Variants in MATN2 observed in about 807,000 individuals in gnomAD.
The protein encoded by MATN2 is matrilin-2.
A neutral mutation model predicts 103.2 loss-of-function variants in MATN2; 69 were observed. The ratio of observed to expected loss-of-function variants is 0.67; its 90% confidence interval spans 0.55 to 0.82. The LOEUF is 0.82. Ranked by LOEUF, MATN2 falls within the 40% of genes least tolerant of loss-of-function variation. The pLI is 0.00. For missense variants in MATN2, 1,023 were observed against 1,211.5 expected, an observed-to-expected ratio of 0.84 and a Z score of 2.31; for synonymous variants, 429 against 450.2, an observed-to-expected ratio of 0.95 and a Z score of 0.60.
chr8:98,009,336 T>C (rs1813080533), intron 10 of MATN2, among the ~76,000 whole-genome samples: 1 of 152,164 alleles, frequency 6.6e-6, no homozygotes, highest in East Asian at 1.9e-4. Flanking sequence ...GGTTGGGATG[T>C]GTGTTCCCCA....
At chr8:97,906,366 A>C (rs555650874) in intron 2 of MATN2, among the ~76,000 whole-genome samples, 3 of 152,214 alleles carry the variant, frequency 2.0e-5, no homozygotes, top group Non-Finnish European at 2.9e-5. Context: ...TCAAGAGCTC[A>C]GAGATATTGT....
intron 5 of MATN2, among the ~76,000 whole-genome samples, chr8:97,974,893 A>AT (rs1356292760): frequency 3.3e-5 from 5 of 152,238 alleles, no homozygotes; most frequent in African/African-American, 1.2e-4. Flanking sequence ...GCTCAAACAC[A>AT]TATTCCTGGG....
At chr8:97,927,196 T>C (rs1840370) in intron 2 of MATN2, among the ~76,000 whole-genome samples, 99,744 of 152,000 alleles carry the variant, frequency 0.66, 33,405 homozygotes, top group East Asian at 0.92. Context: ...CAGGCTGCAG[T>C]GCAATGGCAT....
At chr8:97,968,015 C>G (rs960313070) in intron 5 of MATN2, among the ~76,000 whole-genome samples, 2 of 152,252 alleles carry the variant, frequency 1.3e-5, no homozygotes, top group Non-Finnish European at 2.9e-5. Context: ...TGCCTGCATT[C>G]TGTGTGCCTG....
intron 7 of MATN2, among the ~76,000 whole-genome samples, chr8:97,999,082 G>T (rs1279730298): frequency 1.3e-5 from 2 of 152,138 alleles, no homozygotes; most frequent in African/African-American, 4.8e-5. Context: ...TCATATAAGT[G>T]GAATCATAGA....
At chr8:97,923,556 TCTGTCTCTC>T (rs1234084115) in intron 2 of MATN2, among the ~76,000 whole-genome samples, 1 of 111,334 alleles carries the variant, frequency 9.0e-6, no homozygotes, top group East Asian at 4.3e-4. Context: ...TCTCTCTCTC[TCTGTCTCTC>T]TTTTTTTTGA....
In MATN2 at chr8:97,982,731, A is replaced by T. The variant is rs1563706645; in HGVS notation, c.1081+3723A>T. 1.3e-5 allele frequency among the ~76,000 whole-genome samples: 2 copies of T among 152,232 alleles called. No homozygotes were observed. The highest frequency in any genetic ancestry group is 6.5e-5 in the Admixed American group (1 of 15,286). On this transcript the variant is annotated intron_variant, in intron 6 of 18. Transcript: ENST00000254898. This position sits in a 1 kb window ranked among gnomAD's most constrained non-coding sequence, Gnocchi z 4.3. ...TCAATTTCTTACCCTAGAGCAGCCCATCCAAATCTAGACGGGAGAAAGGTG... is the reference window on the plus strand; with the variant it reads ...TCAATTTCTTACCCTAGAGCAGCCCTTCCAAATCTAGACGGGAGAAAGGTG...
chr8:98,032,140 A>C (rs1410395276), intron 15 of MATN2, 106 bp from the exon 16 acceptor site: 1 of 821,282 alleles, frequency 1.2e-6, no homozygotes, highest in African/African-American at 1.7e-5. Flanking sequence ...AAAAAACCTT[A>C]GGTTATGGCA....
intron 2 of MATN2, among the ~76,000 whole-genome samples, chr8:97,894,873 AC>A (rs1337957460): frequency 6.8e-6 from 1 of 147,716 alleles, no homozygotes. Context: ...ATATTTATTA[AC>A]CCCCCCTTTT....
At chr8:97,973,571 CT>C (rs10546662) in intron 5 of MATN2, among the ~76,000 whole-genome samples, 70,345 of 118,454 alleles carry the variant, frequency 0.59, 19,395 homozygotes, top group Middle Eastern at 0.67. Context: ...ATTTACAAAT[CT>C]TTTTTTTTTT....
rs572275028 is a variant in MATN2 at position 97,876,961 on chromosome 8, C to CT, written c.-27+7675dup. On this transcript the variant is annotated intron_variant, in intron 1 of 18. Coordinates refer to ENST00000254898, the MANE Select transcript of MATN2 (RefSeq NM_002380.5). ...ATTATATGGCCACACCACAGTTTTT[C>CT]TGTACTATTGTTAAGGGCTGTTGAG... is the stretch of plus-strand genomic sequence containing the variant. Among the ~76,000 whole-genome samples, 452 of 148,530 alleles carry CT rather than the reference C, an allele frequency of 3.0e-3. 1 individual carries two copies. The highest frequency in any genetic ancestry group is 0.018 in the Middle Eastern group (5 of 280).
Position 97,915,866 on chromosome 8 carries a change from C to CTGTG in MATN2, c.143-15073_143-15070dup, listed in dbSNP as rs143764402. On this transcript the variant is annotated intron_variant, in intron 2 of 18. Coordinates refer to ENST00000254898, the MANE Select transcript of MATN2 (RefSeq NM_002380.5). Reference sequence around the variant, plus strand: ...CTTGTATTGAGGGATGGTTGTGTGTCTGTGTGTGTGTGTGTGTCTGTGTGT... The same window carrying CTGTG: ...CTTGTATTGAGGGATGGTTGTGTGTCTGTGTGTGTGTGTGTGTGTGTCTGTGTGT... 1.3e-3 allele frequency among the ~76,000 whole-genome samples: 196 copies of CTGTG among 150,470 alleles called. 2 individuals carry two copies. Among genetic ancestry groups the CTGTG allele is most frequent in the African/African-American group, 4.5e-3 (184 of 41,150 alleles).
At chr8:97,874,538 G>A (rs1238116962) in intron 1 of MATN2, among the ~76,000 whole-genome samples, 1 of 151,636 alleles carries the variant, frequency 6.6e-6, no homozygotes, top group African/African-American at 2.4e-5. Flanking sequence ...CCAAGTAGCT[G>A]GGACTACAAG....
chr8:97,948,794 T>C (rs1347075525), intron 4 of MATN2, among the ~76,000 whole-genome samples: 1 of 152,218 alleles, frequency 6.6e-6, no homozygotes, highest in African/African-American at 2.4e-5. Flanking sequence ...AAAATCTTGA[T>C]GACCTCAGGT....
intron 2 of MATN2, among the ~76,000 whole-genome samples, chr8:97,919,776 T>G (rs1809751561): frequency 6.6e-6 from 1 of 151,820 alleles, no homozygotes; most frequent in Non-Finnish European, 1.5e-5. Flanking sequence ...GGCCGGGTAC[T>G]AGGGATTCAT....
chr8:98,019,108 G>GATAT (rs35631363), intron 12 of MATN2, among the ~76,000 whole-genome samples: 222 of 147,514 alleles, frequency 1.5e-3, no homozygotes, highest in African/African-American at 3.9e-3. Flanking sequence ...TATCATAGAA[G>GATAT]ATATATATAT....
chr8:97,872,796 C>T (rs1414203891), intron 1 of MATN2, among the ~76,000 whole-genome samples: 1 of 148,704 alleles, frequency 6.7e-6, no homozygotes, highest in African/African-American at 2.6e-5. Flanking sequence ...TCCAAAGTCC[C>T]CCCGTTTTTT....
chr8:97,874,202 G>A (rs2129923094), intron 1 of MATN2, among the ~76,000 whole-genome samples: 1 of 152,208 alleles, frequency 6.6e-6, no homozygotes, highest in East Asian at 1.9e-4. Flanking sequence ...CAGTTCTGGA[G>A]GCCACAATTC....
At chr8:97,925,773 T>C (rs1269792414) in intron 2 of MATN2, among the ~76,000 whole-genome samples, 2 of 152,194 alleles carry the variant, frequency 1.3e-5, no homozygotes, top group Non-Finnish European at 2.9e-5. Context: ...AGGACTCTAA[T>C]ACTGTTTCAC....
Sources: allele counts gnomAD v4.1 joint callset (sites outside exome capture counted in the v4.1 genomes callset), GRCh38; gene constraint gnomAD v4.1.1; non-coding constraint Gnocchi (gnomAD v3.1); transcripts MANE v1.5; gene names NCBI Gene and HGNC (gene_info 2026-07-23, HGNC 2026-07-21).